Variants in STK31 observed in about 807,000 individuals in gnomAD.
STK31 encodes serine/threonine-protein kinase 31.
STK31 carries 89 observed loss-of-function variants against 129.7 expected under a neutral mutation model. That is an observed-to-expected ratio of 0.69 (90% confidence interval 0.58 to 0.82). The LOEUF (loss-of-function observed/expected upper bound fraction) is 0.82. STK31 is among the 40% of genes least tolerant of loss of function. The pLI is 0.00. For missense variants in STK31, 1,187 were observed against 1,176.4 expected (o/e 1.01, Z -0.13); for synonymous variants, 448 against 395.3 (o/e 1.13, Z -1.58).
At chr7:23,800,001 C>G (rs1232655093) in intron 22 of STK31, among the ~76,000 whole-genome samples, 1 of 152,136 alleles carries the variant, frequency 6.6e-6, no homozygotes, top group Non-Finnish European at 1.5e-5. Flanking sequence ...CATCACTGGT[C>G]ATTAGAGAAA....
intron 22 of STK31, among the ~76,000 whole-genome samples, chr7:23,808,508 T>C (rs1240300182): frequency 6.6e-6 from 1 of 152,100 alleles, no homozygotes; most frequent in Non-Finnish European, 1.5e-5. Flanking sequence ...AATGAAAAAC[T>C]GAATGCTGAC....
Position 23,710,335 on chromosome 7 carries a change from G to A in STK31, c.50G>A (p.Ser17Asn). The change falls in exon 1 of 24, where the codon AGT becomes AAT. Residue 17 changes from serine to asparagine, a missense_variant and splice_region_variant. By Grantham distance (46) the Ser-to-Asn change is conservative. This residue lies in a region of STK31 where 104 missense variants were observed against 98.3 expected (regional missense o/e 1.06). Transcript: ENST00000355870. The part of the protein sequence containing the change: ...SSRASATESV[S>N]FSGIVQMDED... ...AGAGCTTCCGCAACGGAAAGTGTGA[G>A]GTCAGTAGTAGTTTTTGTGGTACGT... is the stretch of plus-strand genomic sequence containing the variant. 1.9e-6 allele frequency: 3 copies of A among 1,613,520 alleles called. No individual in the cohort carries two copies. The highest frequency in any genetic ancestry group is 2.5e-6 in the Non-Finnish European group (3 of 1,179,942).
intron 3 of STK31, 48 bp from the exon 4 acceptor site, chr7:23,717,433 T>A: frequency 3.0e-6 from 4 of 1,336,610 alleles, no homozygotes; most frequent in Non-Finnish European, 4.2e-6. Flanking sequence ...CGTGTAACAC[T>A]GTAAAATAAT....
chr7:23,776,603 C>G (rs1469195151), intron 15 of STK31, among the ~76,000 whole-genome samples: 3 of 152,160 alleles, frequency 2.0e-5, no homozygotes, highest in African/African-American at 7.2e-5. Context: ...TCTAGATTTT[C>G]TAGTCGATTT....
chr7:23,732,232 G>A (rs1345166173), intron 6 of STK31, among the ~76,000 whole-genome samples: 1 of 151,764 alleles, frequency 6.6e-6, no homozygotes, highest in African/African-American at 2.4e-5. Flanking sequence ...GATTGCTTGA[G>A]CTTGAGGGGT....
chr7:23,823,289 C>G (rs960674977), intron 23 of STK31, among the ~76,000 whole-genome samples: 1 of 152,146 alleles, frequency 6.6e-6, no homozygotes, highest in African/African-American at 2.4e-5. Context: ...GATCACCATT[C>G]TAACTGGTGT....
intron 3 of STK31, among the ~76,000 whole-genome samples, chr7:23,713,467 T>C (rs1786104945): frequency 6.6e-6 from 1 of 152,124 alleles, no homozygotes; most frequent in Non-Finnish European, 1.5e-5. Flanking sequence ...ACACTAAATT[T>C]ATAAAAATAT....
intron 10 of STK31, among the ~76,000 whole-genome samples, chr7:23,754,697 T>A (rs1172426647): frequency 6.6e-6 from 1 of 152,186 alleles, no homozygotes; most frequent in East Asian, 1.9e-4. Context: ...TCCCTCCCTG[T>A]GTCCATGTGT....
At chr7:23,805,088 T>A (rs1047986068) in intron 22 of STK31, among the ~76,000 whole-genome samples, 2,411 of 152,302 alleles carry the variant, frequency 0.016, 83 homozygotes, top group African/African-American at 0.055. Flanking sequence ...TCTCTTTTTT[T>A]TTTTTGAGAC....
At chr7:23,779,639 G>A (rs1790784439) in intron 15 of STK31, among the ~76,000 whole-genome samples, 1 of 150,944 alleles carries the variant, frequency 6.6e-6, no homozygotes, top group South Asian at 2.1e-4. Flanking sequence ...TACACTGTGA[G>A]GGGAAAACTG....
intron 13 of STK31, 103 bp downstream of exon 13, chr7:23,769,859 A>G: frequency 1.4e-6 from 1 of 732,584 alleles, no homozygotes; most frequent in Admixed American, 2.4e-5. Flanking sequence ...TGCTAGTTAG[A>G]AAGTATTAAG....
chr7:23,750,613 TTTTG>T (rs1462890543), intron 8 of STK31, among the ~76,000 whole-genome samples: 6 of 152,338 alleles, frequency 3.9e-5, no homozygotes, highest in African/African-American at 1.2e-4. Context: ...TTTTGATATG[TTTTG>T]TTTATTATTT....
chr7:23,784,259 G>T (rs557179923), intron 17 of STK31, among the ~76,000 whole-genome samples: 22 of 152,170 alleles, frequency 1.4e-4, no homozygotes, highest in Admixed American at 1.4e-3. Context: ...CCTAGATGAG[G>T]TATTTATTCA....
chr7:23,779,360 G>A (rs975346929), intron 15 of STK31, among the ~76,000 whole-genome samples: 5 of 152,170 alleles, frequency 3.3e-5, no homozygotes, highest in Admixed American at 6.5e-5. Flanking sequence ...AGCAGAGCTC[G>A]AGCACTGTGC....
intron 15 of STK31, 105 bp downstream of exon 15, chr7:23,772,383 C>A: frequency 8.7e-7 from 1 of 1,155,576 alleles, no homozygotes; most frequent in Non-Finnish European, 1.2e-6. Flanking sequence ...ATAAGAGAGC[C>A]ATTACATTCA....
At chr7:23,782,662 G>A (rs1448604759) in intron 16 of STK31, among the ~76,000 whole-genome samples, 1 of 152,044 alleles carries the variant, frequency 6.6e-6, no homozygotes, top group African/African-American at 2.4e-5. Context: ...ATAAATATGT[G>A]ATAAGTGGCT....
chr7:23,752,905 T>G (rs1788804919), intron 9 of STK31, 73 bp downstream of exon 9: 1 of 981,516 alleles, frequency 1.0e-6, no homozygotes, highest in Admixed American at 2.4e-5. Flanking sequence ...GTTTAAATTG[T>G]GTGCTTGCCA....
chr7:23,774,223 A>G (rs1056565076), intron 15 of STK31, among the ~76,000 whole-genome samples: 3 of 152,170 alleles, frequency 2.0e-5, no homozygotes, highest in Admixed American at 6.5e-5. Context: ...GCTATTGTGA[A>G]TAGTGCCACA....
At chr7:23,810,870 T>C (rs1489114032) in intron 22 of STK31, among the ~76,000 whole-genome samples, 5 of 141,376 alleles carry the variant, frequency 3.5e-5, no homozygotes, top group African/African-American at 7.7e-5. Flanking sequence ...ATATATTATA[T>C]ATAAATATGT....
Sources: gnomAD v4.1 joint callset for allele counts (sites outside exome capture counted in the v4.1 genomes callset) on GRCh38, gnomAD v4.1.1 for gene constraint, gnomAD v4.1.1 regional missense constraint, MANE v1.5 for transcripts, NCBI Gene and HGNC (gene_info 2026-07-23, HGNC 2026-07-21) for gene names.